ENOX1: variants seen among roughly 807,000 people sequenced by gnomAD.
The protein encoded by ENOX1 is candidate growth-related and time keeping constitutive hydroquinone (NADH) oxidase.
ENOX1 carries 42 observed loss-of-function variants against 82.5 expected under a neutral mutation model. That is an observed-to-expected ratio of 0.51 (90% CI 0.40 to 0.66). The LOEUF (loss-of-function observed/expected upper bound fraction) is 0.66, where lower values mean the gene tolerates loss of function less well. Among genes scored for constraint, ENOX1 ranks in the 30% least tolerant of loss-of-function variants. ENOX1 has a pLI of 0.00. For missense variants in ENOX1, 608 were observed against 811.6 expected (o/e 0.75, Z 3.05); for synonymous variants, 271 against 282.2 (o/e 0.96, Z 0.40).
At chr13:43,405,870 C>A (rs1323157) in intron 5 of ENOX1, among the ~76,000 whole-genome samples, 33,391 of 152,176 alleles carry the variant, frequency 0.22, 4,593 homozygotes, top group East Asian at 0.52. Context: ...CCCTGCTTAA[C>A]TTTCTTCAGT....
intron 5 of ENOX1, among the ~76,000 whole-genome samples, chr13:43,370,964 T>C (rs538486879): frequency 1.4e-5 from 2 of 146,896 alleles, no homozygotes; most frequent in Non-Finnish European, 3.0e-5. Context: ...CTCACACCCC[T>C]GGAACTGGGA....
intron 3 of ENOX1, among the ~76,000 whole-genome samples, chr13:43,432,965 A>G (rs1386610891): frequency 6.6e-6 from 1 of 152,114 alleles, no homozygotes; most frequent in Non-Finnish European, 1.5e-5. Flanking sequence ...TCTGGTGTCA[A>G]CGTAGGCTTA....
rs545878373 is a variant in ENOX1, at chr13:43,609,061, G to C, written c.-219+58418C>G. 2.0e-5 allele frequency among the ~76,000 whole-genome samples: 3 copies of C among 152,204 alleles called. No individual in the cohort carries two copies. In the South Asian group the frequency reaches 6.2e-4, roughly 32 times the overall value. Reference sequence around the variant, plus strand: ...AATGTCCAGCACAGTGCCTGACACAGAGCAGGCACTCAGTAAGTGCTAGAG... The same window carrying C: ...AATGTCCAGCACAGTGCCTGACACACAGCAGGCACTCAGTAAGTGCTAGAG... On this transcript the variant is annotated intron_variant, in intron 2 of 16. Coordinates refer to ENST00000690772, the MANE Select transcript of ENOX1 (RefSeq NM_001347969.2).
Position 43,293,255 on chromosome 13 carries a change from C to T in ENOX1, c.1446+5091G>A, listed in dbSNP as rs111857718. 3.9e-3 allele frequency among the ~76,000 whole-genome samples: 587 copies of T among 152,242 alleles called. 6 individuals carry two copies. The highest frequency in any genetic ancestry group is 0.013 in the African/African-American group (560 of 41,534). ...CCTCTCACTACAGTCACCGTCACTA[C>T]CACAGTCACCACAGCTACCTTTACC... On this transcript the variant is annotated intron_variant, in intron 12 of 16. Transcript: ENST00000690772.
At chr13:43,272,960 C>T (rs1333180278) in intron 12 of ENOX1, among the ~76,000 whole-genome samples, 1 of 152,154 alleles carries the variant, frequency 6.6e-6, no homozygotes, top group African/African-American at 2.4e-5. Context: ...AGCTAGTATT[C>T]CAGGTTCTTT....
intron 5 of ENOX1, among the ~76,000 whole-genome samples, chr13:43,377,271 C>T (rs2051705473): frequency 6.6e-6 from 1 of 152,204 alleles, no homozygotes; most frequent in Non-Finnish European, 1.5e-5. Flanking sequence ...CTCTCTGTCT[C>T]ACATGCTTAC....
intron 5 of ENOX1, among the ~76,000 whole-genome samples, chr13:43,397,940 G>A (rs1420694312): frequency 3.9e-5 from 6 of 152,148 alleles, no homozygotes. Flanking sequence ...TGTGCCATCT[G>A]GTGAGGACCC....
rs530393111 is a variant in ENOX1 at position 43,613,942 on chromosome 13, T to C, written c.-219+53537A>G. Among the ~76,000 whole-genome samples, 4 of 151,674 alleles carry C rather than the reference T, an allele frequency of 2.6e-5. No individual in the cohort carries two copies. The East Asian group carries it at 7.8e-4, about 29-fold the overall frequency. On this transcript the variant is annotated intron_variant, in intron 2 of 16. Transcript: ENST00000690772. ...AAATAAGACTCTCTCAAAAAAAAAA[T>C]AAATAAATAAATAAAGGAGGTATAT...
chr13:43,423,535 T>C (rs903156453), intron 3 of ENOX1, among the ~76,000 whole-genome samples: 1 of 152,218 alleles, frequency 6.6e-6, no homozygotes, highest in African/African-American at 2.4e-5. Flanking sequence ...GTCTCCAAAA[T>C]GTTTCTGACA....
At chr13:43,769,584 T>C (rs1318985435) in intron 1 of ENOX1, among the ~76,000 whole-genome samples, 1 of 152,198 alleles carries the variant, frequency 6.6e-6, no homozygotes, top group Non-Finnish European at 1.5e-5. Flanking sequence ...ACAGACTGAC[T>C]GCAGAGCAAG....
intron 1 of ENOX1, among the ~76,000 whole-genome samples, chr13:43,777,543 TC>T (rs1419284748): frequency 8.2e-6 from 1 of 122,690 alleles, no homozygotes; most frequent in Non-Finnish European, 2.0e-5. Flanking sequence ...CTGTATTATT[TC>T]TTTTTTTTTT....
chr13:43,504,690 A>C (rs939086470), intron 2 of ENOX1, among the ~76,000 whole-genome samples: 4 of 151,642 alleles, frequency 2.6e-5, no homozygotes, highest in Non-Finnish European at 4.4e-5. Flanking sequence ...GTATTAGTCA[A>C]AGGGTAAAAA....
rs147314757 is a variant in ENOX1 at position 43,723,772 on chromosome 13, T to TACACAC, written c.-284-56234_-284-56229dup. 1.3e-3 allele frequency among the ~76,000 whole-genome samples: 191 copies of TACACAC among 149,288 alleles called. 2 individuals carry two copies. The highest frequency in any genetic ancestry group is 4.4e-3 in the African/African-American group (180 of 40,782). ...AACCATCTATACAAATGCCTGAATC[T>TACACAC]ACACACACACACACACACACATACA... On this transcript the variant is annotated intron_variant, in intron 1 of 16. Coordinates refer to ENST00000690772, the MANE Select transcript of ENOX1 (RefSeq NM_001347969.2).
At chr13:43,535,262 A>C (rs2078407290) in intron 2 of ENOX1, among the ~76,000 whole-genome samples, 1 of 152,192 alleles carries the variant, frequency 6.6e-6, no homozygotes, top group African/African-American at 2.4e-5. Flanking sequence ...ATACAAACAC[A>C]TTTTCTTATA....
intron 2 of ENOX1, among the ~76,000 whole-genome samples, chr13:43,631,479 C>T (rs1026211109): frequency 6.6e-6 from 1 of 152,110 alleles, no homozygotes; most frequent in Non-Finnish European, 1.5e-5. Context: ...GCTTCTGCTC[C>T]GAGAAGAACT....
At chr13:43,647,888 A>G (rs1008514847) in intron 2 of ENOX1, among the ~76,000 whole-genome samples, 2 of 152,242 alleles carry the variant, frequency 1.3e-5, no homozygotes, top group African/African-American at 4.8e-5. Context: ...GTAGAGAACC[A>G]GACAGATGGC....
intron 1 of ENOX1, among the ~76,000 whole-genome samples, chr13:43,711,521 G>A (rs1458062396): frequency 6.6e-6 from 1 of 152,108 alleles, no homozygotes; most frequent in Non-Finnish European, 1.5e-5. Flanking sequence ...GGTTGAACTA[G>A]TTTATAGTCC....
chr13:43,322,583 A>C (rs1181371617), intron 10 of ENOX1, 82 bp from the exon 11 acceptor site: 3 of 1,091,260 alleles, frequency 2.7e-6, no homozygotes, highest in Non-Finnish European at 4.0e-6. Context: ...TATGACTGGC[A>C]TATTAACATT....
intron 2 of ENOX1, among the ~76,000 whole-genome samples, chr13:43,534,154 C>T (rs1273801229): frequency 2.6e-5 from 4 of 152,106 alleles, no homozygotes; most frequent in Non-Finnish European, 5.9e-5. Flanking sequence ...ACCACAAACA[C>T]ACTTTAGATC....
Sources: allele counts gnomAD v4.1 joint callset (sites outside exome capture counted in the v4.1 genomes callset), GRCh38; gene constraint gnomAD v4.1.1; transcripts MANE v1.5; gene names NCBI Gene and HGNC (gene_info 2026-07-23, HGNC 2026-07-21).